Variants in MCM8 observed in about 807,000 individuals in gnomAD.
MCM8 encodes the protein minichromosome maintenance 8 homologous recombination repair factor, also known as DNA helicase MCM8.
In MCM8, 85 loss-of-function variants were observed where a neutral mutation model predicts 98.9. The observed-to-expected ratio is 0.86, with a 90% CI of 0.72 to 1.03. The LOEUF (loss-of-function observed/expected upper bound fraction) is 1.03. MCM8 is among the 50% of genes least tolerant of loss of function. MCM8 has a pLI of 0.00. For synonymous variants in MCM8, 352 were observed against 338.6 expected, an observed-to-expected ratio of 1.04 and a Z score of -0.44; for missense variants, 951 against 997.8, an observed-to-expected ratio of 0.95 and a Z score of 0.63.
Position 5,973,093 on chromosome 20 carries a change from G to A in MCM8, c.1292G>A (p.Gly431Glu), listed in dbSNP as rs767097477. ...GGTTTGGCATTAGCACTCTTTGGAG[G>A]AAGCCAGAAATACGCAGATGACAAA... ...KAGLALALFG[G>E]SQKYADDKNR... The change falls in exon 12 of 19, where the codon GGA (glycine) becomes GAA (glutamate). Residue 431 changes from glycine (G) to glutamate (E), a missense_variant. Gly to Glu is a moderately conservative substitution (Grantham distance 98, BLOSUM62 -2). Coordinates refer to ENST00000610722, the MANE Select transcript of MCM8 (RefSeq NM_032485.6). 6 of 1,614,076 alleles carry A rather than the reference G, an allele frequency of 3.7e-6. No homozygotes were observed. Among genetic ancestry groups the A allele is most frequent in the Non-Finnish European group, 5.1e-6 (6 of 1,180,042 alleles).
At chr20:5,952,311 T>C in intron 2 of MCM8, 113 bp from the exon 3 acceptor site, 1 of 1,554,702 alleles carries the variant, frequency 6.4e-7, no homozygotes, top group Non-Finnish European at 8.7e-7. Flanking sequence ...CCCAGATTTT[T>C]ACTAAAACCC....
chr20:5,989,221 A>G (rs554272285), intron 17 of MCM8, among the ~76,000 whole-genome samples: 44 of 147,600 alleles, frequency 3.0e-4, no homozygotes, highest in Middle Eastern at 3.5e-3. Context: ...GGTTCAAGCA[A>G]TTCTCCTGCC....
chr20:5,967,990 T>A lies in MCM8; in HGVS notation c.1188T>A (p.Ile396=), dbSNP rs373956406. Residue 396 remains isoleucine (I), a synonymous_variant, in exon 10 of 19, where the codon ATT becomes ATA. Transcript: ENST00000610722. ...AAGACCTTTATGCCATCCAAGAGAT[T>A]CAAGCTGAAGAAAACCTGTTTAAAC... ...SLKDLYAIQE[I]QAEENLFKLI... is the part of the protein sequence containing the mutation. 35 of 1,612,102 alleles carry A rather than the reference T, an allele frequency of 2.2e-5. No homozygotes were observed. The highest frequency in any genetic ancestry group is 2.8e-5 in the Non-Finnish European group (33 of 1,179,480).
chr20:5,989,598 A>G (rs2089805267), intron 17 of MCM8, among the ~76,000 whole-genome samples: 1 of 152,200 alleles, frequency 6.6e-6, no homozygotes, highest in African/African-American at 2.4e-5. Context: ...TAAATTGTGC[A>G]GTATGTCTTA....
In MCM8 at chr20:5,995,945, A is replaced by G. The variant is rs1335749136; in HGVS notation, c.*1554A>G. ...GAACTAAGATGTGGAGACTATTGCC[A>G]TAGACCACAATGTAAATTTTTAAGT... is the stretch of plus-strand genomic sequence containing the variant. On this transcript the variant is annotated 3_prime_UTR_variant, in exon 19 of 19. Transcript: ENST00000610722. The G allele has an allele frequency of 6.6e-6, 1 of 152,296 alleles. No homozygotes were observed. Among genetic ancestry groups the G allele is most frequent in the Non-Finnish European group, 1.5e-5 (1 of 68,076 alleles). The allele number at this position is 152,296 out of a possible 1,614,324, so 9.4% of individuals were successfully genotyped here.
intron 8 of MCM8, among the ~76,000 whole-genome samples, chr20:5,966,772 A>C (rs1368066926): frequency 6.6e-6 from 1 of 152,208 alleles, no homozygotes; most frequent in Non-Finnish European, 1.5e-5. Flanking sequence ...TGGTAGAATG[A>C]AGAGTCTTTA....
At chr20:5,955,968 G>T (rs11087703) in intron 5 of MCM8, among the ~76,000 whole-genome samples, 1 of 151,784 alleles carries the variant, frequency 6.6e-6, no homozygotes, top group Admixed American at 6.6e-5. Context: ...GGGGTTTCAC[G>T]ATGTTGGCCA....
rs1307239844 is a variant in MCM8, at chr20:5,967,820, T to C, written c.1028-10T>C. The C allele has an allele frequency of 3.8e-6, 6 of 1,594,834 alleles. No individual in the cohort carries two copies. Among genetic ancestry groups the C allele is most frequent in the Admixed American group, 3.5e-5 (2 of 57,724 alleles). On this transcript the variant is annotated splice_polypyrimidine_tract_variant and intron_variant, in intron 9 of 18. Transcript: ENST00000610722. ...TACCAACTATTGTATTTAACACTTTTAATTTACAGGTTCTCGAAATAAGAA... is the reference window on the plus strand; with the variant it reads ...TACCAACTATTGTATTTAACACTTTCAATTTACAGGTTCTCGAAATAAGAA...
At chr20:5,985,785 ATGTG>A in intron 15 of MCM8, 133 bp from the exon 16 acceptor site, 1 of 739,444 alleles carries the variant, frequency 1.4e-6, no homozygotes, top group Non-Finnish European at 2.2e-6. Context: ...ACCTCAGGTG[ATGTG>A]TCCTCCTTGG....
At chr20:5,968,774 A>G (rs2089336282) in intron 10 of MCM8, among the ~76,000 whole-genome samples, 1 of 152,272 alleles carries the variant, frequency 6.6e-6, no homozygotes, top group African/African-American at 2.4e-5. Context: ...TTATACAAGA[A>G]GTTTGTCACT....
At position 5,996,446 on chromosome 20, in the gene MCM8, G is replaced by T. The variant is rs2089958742; in HGVS notation, c.*2055G>T. 2 of 147,312 alleles carry T rather than the reference G, an allele frequency of 1.4e-5. No individual in the cohort carries two copies. Among genetic ancestry groups the T allele is most frequent in the African/African-American group, 5.0e-5 (2 of 39,692 alleles). 9.1% of individuals were successfully genotyped at this position (147,312 alleles called of 1,614,324 possible). ...CAGGAGAATCACTTGAACCCGGGAGGCAGAGGTTGCAGTGAGCCAAGATCG... is the reference window on the plus strand; with the variant it reads ...CAGGAGAATCACTTGAACCCGGGAGTCAGAGGTTGCAGTGAGCCAAGATCG... On this transcript the variant is annotated 3_prime_UTR_variant, in exon 19 of 19. Transcript: ENST00000610722.
rs1387821258 is a variant in MCM8 at position 5,967,353 on chromosome 20, A to T, written c.876-83A>T. On this transcript the variant is annotated intron_variant, in intron 8 of 18. Transcript: ENST00000610722. ...CAAATCTGCTTTTATCTTCCTCAGCATCATGTGAACCCTGAATAGTTAATA... is the reference window on the plus strand; with the variant it reads ...CAAATCTGCTTTTATCTTCCTCAGCTTCATGTGAACCCTGAATAGTTAATA... 4.1e-6 allele frequency: 5 copies of T among 1,229,818 alleles called. No individual in the cohort carries two copies. In the East Asian group the frequency reaches 1.2e-4, roughly 30 times the overall value. The allele number at this position is 1,229,818 out of a possible 1,614,324, so 76.2% of individuals were successfully genotyped here.
intron 8 of MCM8, among the ~76,000 whole-genome samples, chr20:5,966,005 T>C (rs1227692774): frequency 6.6e-6 from 1 of 152,132 alleles, no homozygotes; most frequent in East Asian, 1.9e-4. Context: ...TTTCAGAAAG[T>C]ATACAGGACA....
intron 8 of MCM8, among the ~76,000 whole-genome samples, chr20:5,964,960 C>CT (rs1344375826): frequency 6.6e-6 from 1 of 152,294 alleles, no homozygotes; most frequent in African/African-American, 2.4e-5. Context: ...ATTCTTGTGT[C>CT]TTTCATCCTT....
chr20:5,982,115 G>GCA (rs1451939272), intron 13 of MCM8, among the ~76,000 whole-genome samples: 1 of 152,100 alleles, frequency 6.6e-6, no homozygotes, highest in Admixed American at 6.5e-5. Context: ...TAAACTAAAG[G>GCA]CACTGTATGT....
intron 17 of MCM8, among the ~76,000 whole-genome samples, chr20:5,989,070 A>C (rs2089791073): frequency 6.6e-6 from 1 of 151,326 alleles, no homozygotes; most frequent in African/African-American, 2.4e-5. Flanking sequence ...TACGGTTCTG[A>C]TACATTAGAG....
At chr20:5,987,592 A>G (rs911270031) in intron 17 of MCM8, among the ~76,000 whole-genome samples, 3 of 152,318 alleles carry the variant, frequency 2.0e-5, no homozygotes, top group Non-Finnish European at 4.4e-5. Context: ...TCCAAAACCT[A>G]TTGGAGAAGA....
chr20:5,973,750 T>G (rs2089453038), intron 12 of MCM8, among the ~76,000 whole-genome samples: 1 of 152,048 alleles, frequency 6.6e-6, no homozygotes, highest in South Asian at 2.1e-4. Flanking sequence ...TGCCTCCCAC[T>G]TTTAAGCAAT....
rs7260948 is a variant in MCM8, at chr20:5,977,075, T to C, written c.1396-801T>C. 3.8e-3 allele frequency among the ~76,000 whole-genome samples: 583 copies of C among 152,356 alleles called. 1 individual carries two copies. Among genetic ancestry groups the C allele is most frequent in the African/African-American group, 0.013 (554 of 41,582 alleles). On this transcript the variant is annotated intron_variant, in intron 12 of 18. Coordinates refer to ENST00000610722, the MANE Select transcript of MCM8 (RefSeq NM_032485.6). ...GTAAACCATCATACTCTGTGTGTTA[T>C]AAGGTTTCTCAGAAAGACTATATAA...
Sources: allele counts gnomAD v4.1 joint callset (sites outside exome capture counted in the v4.1 genomes callset), GRCh38; gene constraint gnomAD v4.1.1; transcripts MANE v1.5; gene names NCBI Gene and HGNC (gene_info 2026-07-23, HGNC 2026-07-21).